Variants in SESTD1 observed in about 807,000 individuals in gnomAD.
The protein encoded by SESTD1 is SEC14 domain and spectrin repeat-containing protein 1.
Under a neutral mutation model 101.7 loss-of-function variants are expected in SESTD1, and 43 were observed. The observed-to-expected ratio is 0.42, with a 90% CI of 0.33 to 0.55. The LOEUF (loss-of-function observed/expected upper bound fraction) is 0.55, where lower values mean the gene tolerates loss of function less well. SESTD1 is among the 20% of genes least tolerant of loss of function. SESTD1 has a pLI of 0.07. For missense variants in SESTD1, 647 were observed against 815.1 expected, an observed-to-expected ratio of 0.79 and a Z score of 2.51; for synonymous variants, 283 against 286.8, an observed-to-expected ratio of 0.99 and a Z score of 0.13.
intron 8 of SESTD1, among the ~76,000 whole-genome samples, chr2:179,145,547 G>A (rs2045376374): frequency 6.6e-6 from 1 of 152,180 alleles, no homozygotes; most frequent in African/African-American, 2.4e-5. Flanking sequence ...ATTTCAATTG[G>A]AAAAAATTAC....
At chr2:179,159,257 T>C (rs2045688505) in intron 5 of SESTD1, among the ~76,000 whole-genome samples, 1 of 152,172 alleles carries the variant, frequency 6.6e-6, no homozygotes, top group African/African-American at 2.4e-5. Flanking sequence ...GGTGAAAAAC[T>C]GTCCACCTGC....
rs1219568298 is a variant in SESTD1, at chr2:179,110,135, C to A, written c.1962-107G>T. On this transcript the variant is annotated intron_variant, in intron 17 of 17. Coordinates refer to ENST00000428443, the MANE Select transcript of SESTD1 (RefSeq NM_178123.5). The stretch of plus-strand genomic sequence containing the variant: ...ACCATAAAAAATCTACATGAGATAG[C>A]CTATGTGTAAATATCAGTTCATCGG... 4.6e-6 allele frequency: 5 copies of A among 1,081,404 alleles called. No homozygotes were observed. In the East Asian group the frequency reaches 1.2e-4, roughly 27 times the overall value. The allele number at this position is 1,081,404 out of a possible 1,614,324, so 67.0% of individuals were successfully genotyped here.
At chr2:179,250,450 T>C (rs935125516) in intron 1 of SESTD1, among the ~76,000 whole-genome samples, 5 of 152,196 alleles carry the variant, frequency 3.3e-5, no homozygotes, top group African/African-American at 1.2e-4. Context: ...GACTGGGTAG[T>C]TTAAACAGCA....
chr2:179,140,278 C>T (rs142028515), intron 9 of SESTD1, among the ~76,000 whole-genome samples: 1 of 152,214 alleles, frequency 6.6e-6, no homozygotes, highest in African/African-American at 2.4e-5. Context: ...CAGATTCTAA[C>T]AATATTTATT....
chr2:179,111,719 C>CTTTTTT (rs572503441), intron 17 of SESTD1, among the ~76,000 whole-genome samples: 10 of 135,358 alleles, frequency 7.4e-5, no homozygotes, highest in African/African-American at 1.9e-4. Context: ...CCTCCTGATT[C>CTTTTTT]TTTTTTTTTT....
chr2:179,241,364 G>A lies in SESTD1; in HGVS notation c.-26+23135C>T, dbSNP rs558131041. On this transcript the variant is annotated intron_variant, in intron 1 of 17. Coordinates refer to ENST00000428443, the MANE Select transcript of SESTD1 (RefSeq NM_178123.5). ...GAACCCAAACATAAAGAAGGTGAAT[G>A]AAGCGGAAAGAGGAGGGACACACAC... is the stretch of plus-strand genomic sequence containing the variant. Among the ~76,000 whole-genome samples the A allele has an allele frequency of 1.4e-4, 22 of 152,190 alleles. 1 individual carries two copies. The highest frequency in any genetic ancestry group is 4.8e-4 in the African/African-American group (20 of 41,528).
In SESTD1 at chr2:179,103,116, C is replaced by T. The variant is rs2044307721; in HGVS notation, c.*6783G>A. ...AACCAGTGCTGTTTCTTCTAGCTAACATATCACCATGGTTGGGCTTTAACC... is the reference window on the plus strand; with the variant it reads ...AACCAGTGCTGTTTCTTCTAGCTAATATATCACCATGGTTGGGCTTTAACC... On this transcript the variant is annotated 3_prime_UTR_variant, in exon 18 of 18. Coordinates refer to ENST00000428443, the MANE Select transcript of SESTD1 (RefSeq NM_178123.5). 6.6e-6 allele frequency: 1 copy of T among 152,100 alleles called. No homozygotes were observed. Among genetic ancestry groups the T allele is most frequent in the African/African-American group, 2.4e-5 (1 of 41,422 alleles). 9.4% of individuals were successfully genotyped at this position (152,100 alleles called of 1,614,324 possible).
intron 1 of SESTD1, among the ~76,000 whole-genome samples, chr2:179,239,084 A>G (rs1574059426): frequency 6.6e-6 from 1 of 152,178 alleles, no homozygotes; most frequent in African/African-American, 2.4e-5. Flanking sequence ...ATTTGTGCCA[A>G]CTATGTATCT....
intron 3 of SESTD1, among the ~76,000 whole-genome samples, chr2:179,178,193 T>C (rs947239395): frequency 3.3e-5 from 5 of 152,220 alleles, no homozygotes; most frequent in Non-Finnish European, 7.3e-5. Context: ...TTTTGTGACA[T>C]GTGAATTATA....
At chr2:179,227,759 C>T (rs2046910775) in intron 1 of SESTD1, among the ~76,000 whole-genome samples, 1 of 152,116 alleles carries the variant, frequency 6.6e-6, no homozygotes, top group Non-Finnish European at 1.5e-5. Flanking sequence ...GAGCTCTTGA[C>T]ATTACTAGAA....
At chr2:179,135,093 C>T (rs182578490) in intron 9 of SESTD1, among the ~76,000 whole-genome samples, 2 of 151,846 alleles carry the variant, frequency 1.3e-5, no homozygotes, top group Non-Finnish European at 2.9e-5. Flanking sequence ...TACAGGCGCC[C>T]GCCACCACAC....
chr2:179,137,321 T>C (rs930792892), intron 9 of SESTD1, among the ~76,000 whole-genome samples: 2 of 152,114 alleles, frequency 1.3e-5, no homozygotes, highest in Non-Finnish European at 2.9e-5. Flanking sequence ...ACAGAACATG[T>C]AGAAGTATGC....
chr2:179,185,166 C>A (rs188333137), intron 2 of SESTD1, among the ~76,000 whole-genome samples: 19 of 151,794 alleles, frequency 1.3e-4, no homozygotes, highest in African/African-American at 4.6e-4. Context: ...AATATAAATG[C>A]ATATTATCCT....
chr2:179,219,054 T>TCAAAGGAGTTCCCA (rs11272793), intron 1 of SESTD1, among the ~76,000 whole-genome samples: 4 of 151,946 alleles, frequency 2.6e-5, no homozygotes, highest in African/African-American at 9.7e-5. Flanking sequence ...TGCTTTTCCT[T>TCAAAGGAGTTCCCA]CCAGCTGTCT....
At position 179,107,592 on chromosome 2, in the gene SESTD1, TATCTAAGA is replaced by T. The variant is rs757076638; in HGVS notation, c.*2299_*2306del. 3 of 152,108 alleles carry T rather than the reference TATCTAAGA, an allele frequency of 2.0e-5. No individual in the cohort carries two copies. The highest frequency in any genetic ancestry group is 4.4e-5 in the Non-Finnish European group (3 of 67,986). The allele number at this position is 152,108 out of a possible 1,614,324, so 9.4% of individuals were successfully genotyped here. A position where few individuals can be genotyped will look rare whatever the true frequency, so the allele number is the denominator to read the frequency against. On this transcript the variant is annotated 3_prime_UTR_variant, in exon 18 of 18. Coordinates refer to ENST00000428443, the MANE Select transcript of SESTD1 (RefSeq NM_178123.5). ...ATAACTAAATATCTAAAGTAGTTAG[TATCTAAGA>T]ATCTAAGAATAGATTCACTTGTAAG... is the stretch of plus-strand genomic sequence containing the variant.
intron 9 of SESTD1, among the ~76,000 whole-genome samples, chr2:179,135,590 C>A (rs1343424383): frequency 6.6e-6 from 1 of 151,938 alleles, no homozygotes; most frequent in Non-Finnish European, 1.5e-5. Context: ...CCTGTCTCTA[C>A]TAAAAATACA....
intron 1 of SESTD1, among the ~76,000 whole-genome samples, chr2:179,198,494 G>A (rs1364130987): frequency 6.6e-6 from 1 of 152,070 alleles, no homozygotes; most frequent in African/African-American, 2.4e-5. Flanking sequence ...CAAATCAACA[G>A]AATATACATT....
chr2:179,161,697 C>T lies in SESTD1; in HGVS notation c.370-10306G>A, dbSNP rs1046668130. Among the ~76,000 whole-genome samples the T allele has an allele frequency of 4.0e-5, 6 of 151,580 alleles. No homozygotes were observed. In the South Asian group the frequency reaches 1.3e-3, roughly 32 times the overall value. Reference sequence around the variant, plus strand: ...AAAAGGTATTATGCCATCAAAAATACAGCGGAAAAGCTATTTTCATGACCT... The same window carrying T: ...AAAAGGTATTATGCCATCAAAAATATAGCGGAAAAGCTATTTTCATGACCT... On this transcript the variant is annotated intron_variant, in intron 5 of 17. Coordinates refer to ENST00000428443, the MANE Select transcript of SESTD1 (RefSeq NM_178123.5).
intron 1 of SESTD1, among the ~76,000 whole-genome samples, chr2:179,212,114 T>C (rs769180949): frequency 2.2e-5 from 3 of 134,954 alleles, no homozygotes; most frequent in Non-Finnish European, 4.8e-5. Flanking sequence ...CATTTCCAAC[T>C]GAGGTACCTG....
Sources: gnomAD v4.1 joint callset for allele counts (sites outside exome capture counted in the v4.1 genomes callset) on GRCh38, gnomAD v4.1.1 for gene constraint, MANE v1.5 for transcripts, NCBI Gene and HGNC (gene_info 2026-07-23, HGNC 2026-07-21) for gene names.